Variants in ZNF611 observed in about 807,000 individuals in gnomAD.
ZNF611 encodes zinc finger protein 611.
Under a neutral mutation model 8.9 loss-of-function variants are expected in ZNF611, and 6 were observed. That is an observed-to-expected ratio of 0.68 (90% confidence interval 0.37 to 1.34). The LOEUF is 1.34. ZNF611 is among the 40% of genes most tolerant of loss of function. The pLI, the probability that ZNF611 is intolerant of heterozygous loss-of-function variation, is 0.02. For missense variants in ZNF611, 874 were observed against 841.3 expected (o/e 1.04, Z -0.48); for synonymous variants, 262 against 279.7 (o/e 0.94, Z 0.63).
chr19:52,704,111 G>T lies in ZNF611; in HGVS notation c.*826C>A. 1 of 299,746 alleles carries T rather than the reference G, an allele frequency of 3.3e-6. No homozygotes were observed. The allele number at this position is 299,746 out of a possible 1,614,324, so 18.6% of individuals were successfully genotyped here. ...GGCCTCCCGACGTGCTGGGATTACA[G>T]GTCGGAGCCACCACACCTGGCCCCA... is the stretch of plus-strand genomic sequence containing the variant. On this transcript the variant is annotated 3_prime_UTR_variant, in exon 6 of 6. Transcript: ENST00000652185.
At chr19:52,716,239 G>C in intron 3 of ZNF611, 1 of 224,850 alleles carries the variant, frequency 4.4e-6, no homozygotes, top group South Asian at 1.1e-4. Flanking sequence ...CCTCTCTGTG[G>C]ATCACAGGCT....
In ZNF611 at chr19:52,725,588, T is replaced by C. The variant is rs191634960; in HGVS notation, c.-20+3142A>G. 3.9e-5 allele frequency among the ~76,000 whole-genome samples: 6 copies of C among 152,288 alleles called. No individual in the cohort carries two copies. In the South Asian group the frequency reaches 8.3e-4, roughly 21 times the overall value. The stretch of plus-strand genomic sequence containing the variant: ...AAAGGAAGCAACTTCCAGACTCTTA[T>C]GGGCGTCTCAATTTGCTCTGGGTGA... On this transcript the variant is annotated intron_variant, in intron 3 of 5. Transcript: ENST00000652185.
At position 52,705,065 on chromosome 19, in the gene ZNF611, G is replaced by T; in HGVS notation, c.1990C>A (p.Leu664Ile). 1.2e-6 allele frequency: 2 copies of T among 1,614,066 alleles called. No homozygotes were observed. The highest frequency in any genetic ancestry group is 1.7e-6 in the Non-Finnish European group (2 of 1,180,004). Residue 664 changes from leucine to isoleucine, a missense_variant, in exon 6 of 6, where the codon CTC becomes ATC. Transcript: ENST00000652185. ...TGAATTCTGGTATGTCTTGACAGGA[G>T]TGAATTACGCACGAAAGCCTTGTCA... ...ICDKAFVRNS[L>I]LSRHTRIHTA... is the part of the protein sequence containing the mutation.
Position 52,706,962 on chromosome 19 carries a change from A to G in ZNF611, c.191-98T>C. The stretch of plus-strand genomic sequence containing the variant: ...ACACAAAAAACGATACTTATTTTGA[A>G]CTTCCCAAACATCATCTTCAAAGTT... On this transcript the variant is annotated intron_variant, in intron 5 of 5. Coordinates refer to ENST00000652185, the MANE Select transcript of ZNF611 (RefSeq NM_001161499.2). The G allele has an allele frequency of 3.3e-6, 5 of 1,506,058 alleles. No homozygotes were observed. The Middle Eastern group carries it at 8.9e-4, about 269-fold the overall frequency. The allele number at this position is 1,506,058 out of a possible 1,614,324, so 93.3% of individuals were successfully genotyped here.
intron 3 of ZNF611, among the ~76,000 whole-genome samples, chr19:52,716,561 A>G (rs915182063): frequency 6.6e-6 from 1 of 152,166 alleles, no homozygotes; most frequent in Non-Finnish European, 1.5e-5. Context: ...ATCACACAGA[A>G]CAGGCAATGT....
chr19:52,727,526 C>T (rs2062400347), intron 3 of ZNF611, among the ~76,000 whole-genome samples: 1 of 152,120 alleles, frequency 6.6e-6, no homozygotes, highest in Non-Finnish European at 1.5e-5. Flanking sequence ...AGCTTCATCC[C>T]GAGGCAGGGG....
rs539034131 is a variant in ZNF611, at chr19:52,722,235, A to G, written c.-19-6322T>C. Reference sequence around the variant, plus strand: ...TAAAATAAAAAATAAATAAATAACTAGCCGGGCTTGGTGTCTCACACCTGT... The same window carrying G: ...TAAAATAAAAAATAAATAAATAACTGGCCGGGCTTGGTGTCTCACACCTGT... On this transcript the variant is annotated intron_variant, in intron 3 of 5. Transcript: ENST00000652185. Among the ~76,000 whole-genome samples, 86 of 152,096 alleles carry G rather than the reference A, an allele frequency of 5.7e-4. No individual in the cohort carries two copies. The South Asian group carries it at 7.1e-3, about 12-fold the overall frequency.
rs2062225746 is a variant in ZNF611, at chr19:52,704,487, T to C, written c.*450A>G. 5.7e-6 allele frequency: 5 copies of C among 883,776 alleles called. No homozygotes were observed. Among genetic ancestry groups the C allele is most frequent in the South Asian group, 5.5e-5 (4 of 72,698 alleles). The allele number at this position is 883,776 out of a possible 1,614,324, so 54.7% of individuals were successfully genotyped here. ...TCCTATGTTTTGCATAGGATGAAGC[T>C]TGACTGAAGACCTTGGCACAGTCAT... On this transcript the variant is annotated 3_prime_UTR_variant, in exon 6 of 6. Coordinates refer to ENST00000652185, the MANE Select transcript of ZNF611 (RefSeq NM_001161499.2).
chr19:52,718,537 G>A (rs374436334), intron 3 of ZNF611, among the ~76,000 whole-genome samples: 4 of 152,146 alleles, frequency 2.6e-5, no homozygotes, highest in Middle Eastern at 6.8e-3. Flanking sequence ...AGCTGCTCAT[G>A]CCTGTAATCC....
intron 3 of ZNF611, among the ~76,000 whole-genome samples, chr19:52,725,816 C>T (rs73934870): frequency 0.027 from 4,096 of 152,058 alleles, 173 homozygotes; most frequent in African/African-American, 0.091. Flanking sequence ...AACATGGTGG[C>T]GGGGCCTGGG....
In ZNF611 at chr19:52,704,971, C is replaced by A. The variant is rs778257387; in HGVS notation, c.2084G>T (p.Arg695Leu). The part of the protein sequence containing the change: ...KAFNQQSHLS[R>L]HHRIHTGEKP ...CTCTCCAGTATGAATTCTATGATGA[C>A]GTGAAAGGTGTGATTGTTGATTAAA... Residue 695 changes from arginine to leucine, a missense_variant, in exon 6 of 6, where the codon CGT (arginine) becomes CTT (leucine). Coordinates refer to ENST00000652185, the MANE Select transcript of ZNF611 (RefSeq NM_001161499.2). 14 of 1,613,918 alleles carry A rather than the reference C, an allele frequency of 8.7e-6. No homozygotes were observed. The highest frequency in any genetic ancestry group is 1.0e-5 in the Non-Finnish European group (12 of 1,179,966).
intron 4 of ZNF611, among the ~76,000 whole-genome samples, chr19:52,715,580 C>T (rs777007179): frequency 1.8e-4 from 27 of 152,168 alleles, no homozygotes; most frequent in Admixed American, 3.3e-4. Context: ...GGCTCACACC[C>T]CATGTTTATC....
intron 3 of ZNF611, among the ~76,000 whole-genome samples, chr19:52,718,955 G>A (rs143038777): frequency 0.012 from 1,764 of 152,270 alleles, 36 homozygotes; most frequent in African/African-American, 0.04. Flanking sequence ...GGTGGATCAC[G>A]GGGTCATGAG....
At chr19:52,708,814 G>A (rs1366658483) in intron 5 of ZNF611, 1 of 152,126 alleles carries the variant, frequency 6.6e-6, no homozygotes, top group African/African-American at 2.4e-5. Flanking sequence ...TCCAGCCTGG[G>A]TGACAGGGCA....
At position 52,704,990 on chromosome 19, in the gene ZNF611, G is replaced by C. The variant is rs772202314; in HGVS notation, c.2065C>G (p.Gln689Glu). The C allele has an allele frequency of 6.2e-6, 10 of 1,614,004 alleles. No homozygotes were observed. The highest frequency in any genetic ancestry group is 1.1e-5 in the South Asian group (1 of 91,086). The change falls in exon 6 of 6, where the codon CAA becomes GAA. Residue 689 changes from glutamine to glutamate, a missense_variant. Transcript: ENST00000652185. ...KCNECGKAFN[Q>E]QSHLSRHHRI... Reference sequence around the variant, plus strand: ...TGATGACGTGAAAGGTGTGATTGTTGATTAAAAGCCTTCCCACATTCATTA... The same window carrying C: ...TGATGACGTGAAAGGTGTGATTGTTCATTAAAAGCCTTCCCACATTCATTA...
chr19:52,724,130 G>C (rs940979415), intron 3 of ZNF611: 1 of 152,184 alleles, frequency 6.6e-6, no homozygotes, highest in Non-Finnish European at 1.5e-5. Context: ...GACCCTTTAC[G>C]GGTGTCTGGC....
Position 52,706,093 on chromosome 19 carries a change from C to A in ZNF611, c.962G>T (p.Gly321Val). The change falls in exon 6 of 6, where the codon GGC becomes GTC. Residue 321 changes from glycine (G) to valine (V), a missense_variant. By Grantham distance (109) the Gly-to-Val change is moderately radical. Coordinates refer to ENST00000652185, the MANE Select transcript of ZNF611 (RefSeq NM_001161499.2). ...GGCTGAATTTTGACCAAAGATCTTG[C>A]CACACTCATTACAATTGTAACGTTT... ...GVKRYNCNEC[G>V]KIFGQNSALL... 4 of 1,613,896 alleles carry A rather than the reference C, an allele frequency of 2.5e-6. No homozygotes were observed. The highest frequency in any genetic ancestry group is 3.4e-6 in the Non-Finnish European group (4 of 1,179,960).
chr19:52,717,998 T>C (rs900378731), intron 3 of ZNF611, among the ~76,000 whole-genome samples: 2 of 152,158 alleles, frequency 1.3e-5, no homozygotes, highest in African/African-American at 4.8e-5. Flanking sequence ...TTAAAAAATA[T>C]AGATCTAATG....
chr19:52,705,126 A>G lies in ZNF611; in HGVS notation c.1929T>C (p.Leu643=). ...HCSSLIYHRR[L]HTGEKSYKCT... is the part of the protein sequence containing the mutation. ...ATTTGTAAGATTTCTCTCCAGTATG[A>G]AGTCTACGATGGTATATAAGGGATG... The change falls in exon 6 of 6, where the codon CTT becomes CTC. Residue 643 remains leucine, a synonymous_variant. Transcript: ENST00000652185. The G allele has an allele frequency of 6.2e-7, 1 of 1,614,160 alleles. No homozygotes were observed. The highest frequency in any genetic ancestry group is 8.5e-7 in the Non-Finnish European group (1 of 1,180,026).
Sources: allele counts gnomAD v4.1 joint callset (sites outside exome capture counted in the v4.1 genomes callset), GRCh38; gene constraint gnomAD v4.1.1; transcripts MANE v1.5; gene names NCBI Gene and HGNC (gene_info 2026-07-23, HGNC 2026-07-21).